Variants in KDM4C observed in about 807,000 individuals in gnomAD.
KDM4C encodes lysine demethylase 4C.
A neutral mutation model predicts 129.3 loss-of-function variants in KDM4C; 81 were observed. The ratio of observed to expected loss-of-function variants is 0.63; its 90% confidence interval spans 0.52 to 0.75. The LOEUF (loss-of-function observed/expected upper bound fraction) is 0.75. Ranked by LOEUF, KDM4C falls within the 30% of genes least tolerant of loss-of-function variation. The pLI is 0.00. For missense variants in KDM4C, 1,457 were observed against 1,304.0 expected (o/e 1.12, Z -1.81); for synonymous variants, 573 against 456.1 (o/e 1.26, Z -3.26).
intron 17 of KDM4C, among the ~76,000 whole-genome samples, chr9:7,099,568 A>G (rs576859820): frequency 5.9e-5 from 9 of 152,372 alleles, no homozygotes; most frequent in East Asian, 1.9e-4. Flanking sequence ...CCCTTGTACT[A>G]GAAGCTGTCG....
chr9:6,814,127 C>T (rs1303856472), intron 3 of KDM4C, among the ~76,000 whole-genome samples: 4 of 152,008 alleles, frequency 2.6e-5, no homozygotes, highest in Non-Finnish European at 5.9e-5. Flanking sequence ...AGCTTATATT[C>T]CCACTCTAGT....
At chr9:7,081,715 G>A (rs556857544) in intron 17 of KDM4C, among the ~76,000 whole-genome samples, 1 of 152,200 alleles carries the variant, frequency 6.6e-6, no homozygotes, top group Non-Finnish European at 1.5e-5. Flanking sequence ...TAATTACGCT[G>A]CATGAGGAAA....
At chr9:6,947,160 C>G (rs1380403649) in intron 8 of KDM4C, among the ~76,000 whole-genome samples, 2 of 152,156 alleles carry the variant, frequency 1.3e-5, no homozygotes, top group Admixed American at 6.5e-5. Context: ...TTCACTTGCG[C>G]CAAATTTCTC....
intron 19 of KDM4C, among the ~76,000 whole-genome samples, chr9:7,159,144 A>G (rs897382698): frequency 2.6e-5 from 4 of 152,154 alleles, no homozygotes; most frequent in African/African-American, 9.7e-5. Context: ...CTGTTTAACC[A>G]GGATTGCAAT....
At chr9:7,113,930 T>G (rs776730998) in intron 18 of KDM4C, among the ~76,000 whole-genome samples, 1 of 152,128 alleles carries the variant, frequency 6.6e-6, no homozygotes, top group Non-Finnish European at 1.5e-5. Flanking sequence ...CTGCTCTGCT[T>G]CTTTACTGCT....
intron 8 of KDM4C, among the ~76,000 whole-genome samples, chr9:6,949,796 A>C (rs930310243): frequency 3.9e-5 from 6 of 152,220 alleles, no homozygotes; most frequent in African/African-American, 7.2e-5. Context: ...GCAGCAGTAC[A>C]GTCCAGCTTC....
intron 8 of KDM4C, among the ~76,000 whole-genome samples, chr9:6,905,308 C>T (rs1485775677): frequency 6.6e-6 from 1 of 152,098 alleles, no homozygotes; most frequent in Non-Finnish European, 1.5e-5. Context: ...CTTCTAAACC[C>T]TGATTAGCCC....
chr9:7,124,477 C>T (rs1044651226), intron 18 of KDM4C, among the ~76,000 whole-genome samples: 9 of 152,048 alleles, frequency 5.9e-5, no homozygotes, highest in African/African-American at 1.7e-4. Flanking sequence ...AAGTAGCTGT[C>T]ACAGGCCCAA....
At chr9:7,140,093 C>T (rs368757015) in intron 19 of KDM4C, among the ~76,000 whole-genome samples, 1 of 152,176 alleles carries the variant, frequency 6.6e-6, no homozygotes, top group Non-Finnish European at 1.5e-5. Context: ...TATCCAGAAG[C>T]TGCTGCTCAC....
chr9:7,101,907 G>C (rs960380498), intron 17 of KDM4C, among the ~76,000 whole-genome samples: 3 of 152,256 alleles, frequency 2.0e-5, no homozygotes, highest in Non-Finnish European at 1.5e-5. Flanking sequence ...CTCCTGATAG[G>C]AGTTTTTGCT....
chr9:7,002,690 T>C (rs1254248689), intron 12 of KDM4C, among the ~76,000 whole-genome samples: 1 of 152,238 alleles, frequency 6.6e-6, no homozygotes, highest in Non-Finnish European at 1.5e-5. Flanking sequence ...CTATTTGTTG[T>C]ACACATTACT....
intron 8 of KDM4C, among the ~76,000 whole-genome samples, chr9:6,919,430 T>C (rs1257605738): frequency 6.6e-6 from 1 of 151,840 alleles, no homozygotes; most frequent in Non-Finnish European, 1.5e-5. Context: ...AAAAAAAATC[T>C]TAATCCCTCT....
intron 19 of KDM4C, among the ~76,000 whole-genome samples, chr9:7,128,477 A>G (rs1302872924): frequency 6.6e-6 from 1 of 152,202 alleles, no homozygotes; most frequent in African/African-American, 2.4e-5. Context: ...ATCACCTCTT[A>G]AAGGTCCACC....
At chr9:6,870,245 T>C (rs1274986483) in intron 5 of KDM4C, among the ~76,000 whole-genome samples, 3 of 152,040 alleles carry the variant, frequency 2.0e-5, no homozygotes, top group Non-Finnish European at 4.4e-5. Flanking sequence ...AAAATGCCAT[T>C]GTCTTTTGCT....
intron 3 of KDM4C, among the ~76,000 whole-genome samples, chr9:6,808,772 C>T (rs1225876226): frequency 2.0e-5 from 3 of 150,678 alleles, no homozygotes; most frequent in Non-Finnish European, 4.4e-5. Context: ...TTAAGTGTAG[C>T]TAGCCTACAC....
chr9:6,812,973 C>T lies in KDM4C; in HGVS notation c.321-1658C>T, dbSNP rs561617281. On this transcript the variant is annotated intron_variant, in intron 3 of 21. Coordinates refer to ENST00000381309, the MANE Select transcript of KDM4C (RefSeq NM_015061.6). ...GGCGGATCACCTGAGGTCGGGAGTT[C>T]GAGACCAGCCTGACCAACATGGAGA... Among the ~76,000 whole-genome samples, 687 of 152,162 alleles carry T rather than the reference C, an allele frequency of 4.5e-3. 7 individuals carry two copies. The highest frequency in any genetic ancestry group is 0.016 in the African/African-American group (653 of 41,492).
chr9:7,128,552 A>T (rs763217074), intron 19 of KDM4C, among the ~76,000 whole-genome samples: 3 of 152,214 alleles, frequency 2.0e-5, no homozygotes, highest in African/African-American at 4.8e-5. Flanking sequence ...CATAGCAGAT[A>T]TGAATCCACC....
At position 6,770,911 on chromosome 9, in the gene KDM4C, G is replaced by A. The variant is rs572809252; in HGVS notation, c.-18+12708G>A. 4.6e-5 allele frequency among the ~76,000 whole-genome samples: 7 copies of A among 151,046 alleles called. No individual in the cohort carries two copies. The East Asian group carries it at 1.2e-3, about 25-fold the overall frequency. ...CTGCCTCAGCCTCCAGAGTAGCTGGGACTACAGGTGCATGCCACCACTCCC... is the reference window on the plus strand; with the variant it reads ...CTGCCTCAGCCTCCAGAGTAGCTGGAACTACAGGTGCATGCCACCACTCCC... On this transcript the variant is annotated intron_variant, in intron 1 of 21. Coordinates refer to ENST00000381309, the MANE Select transcript of KDM4C (RefSeq NM_015061.6).
chr9:6,909,595 C>G (rs1818911194), intron 8 of KDM4C, among the ~76,000 whole-genome samples: 1 of 151,990 alleles, frequency 6.6e-6, no homozygotes, highest in African/African-American at 2.4e-5. Flanking sequence ...ATAGAATACT[C>G]TCCAGTTTGT....
Sources: allele counts gnomAD v4.1 joint callset (sites outside exome capture counted in the v4.1 genomes callset), GRCh38; gene constraint gnomAD v4.1.1; transcripts MANE v1.5; gene names NCBI Gene and HGNC (gene_info 2026-07-23, HGNC 2026-07-21).